The following SLC8A1 variants were observed in gnomAD, a reference collection of about 807,000 sequenced individuals.
The protein encoded by SLC8A1 is sodium/calcium exchanger 1.
SLC8A1 carries 18 observed loss-of-function variants against 68.3 expected under a neutral mutation model. That is an observed-to-expected ratio of 0.26 (90% CI 0.18 to 0.39). SLC8A1 has a LOEUF of 0.39. Ranked by LOEUF, SLC8A1 falls within the 10% of genes least tolerant of loss-of-function variation. The pLI is 1.00. For missense variants in SLC8A1, 985 were observed against 1,156.7 expected (o/e 0.85, Z 2.15); for synonymous variants, 475 against 415.5 (o/e 1.14, Z -1.74).
At chr2:40,381,249 C>G (rs1681682149) in intron 2 of SLC8A1, among the ~76,000 whole-genome samples, 1 of 151,986 alleles carries the variant, frequency 6.6e-6, no homozygotes, top group African/African-American at 2.4e-5. Context: ...TCACCTCTTC[C>G]AGGGAGCCTT....
At chr2:40,429,327 A>G in exon 2 of SLC8A1, 2 of 1,613,812 alleles carry the variant, frequency 1.2e-6, no homozygotes, top group Non-Finnish European at 1.7e-6. Flanking sequence ...CTTCTTCATC[A>G]TCTTGGTCCC....
At chr2:40,490,995 A>G (rs2149923719) in intron 1 of SLC8A1, among the ~76,000 whole-genome samples, 1 of 152,170 alleles carries the variant, frequency 6.6e-6, no homozygotes, top group East Asian at 1.9e-4. Context: ...TATGGAATTT[A>G]TATTCCTTTA....
At chr2:40,171,084 G>A (rs991692315) in intron 4 of SLC8A1, among the ~76,000 whole-genome samples, 11 of 152,130 alleles carry the variant, frequency 7.2e-5, no homozygotes, top group Non-Finnish European at 1.3e-4. Context: ...TAACTGACCT[G>A]GGAGTCATGA....
Position 40,154,721 on chromosome 2 carries a change from G to C in SLC8A1, c.2161+6044C>G, listed in dbSNP as rs144286022. Among the ~76,000 whole-genome samples the C allele has an allele frequency of 1.4e-4, 21 of 152,168 alleles. No individual in the cohort carries two copies. In the East Asian group the frequency reaches 4.1e-3, roughly 29 times the overall value. ...CTTACTCTGTAGCCTAGGCAGTCTA[G>C]TGGTGCAATCACAGCTCACTGCAGC... On this transcript the variant is annotated intron_variant, in intron 6 of 7. Transcript: ENST00000406785.
chr2:40,502,717 C>A (rs1315068377), intron 1 of SLC8A1, among the ~76,000 whole-genome samples: 3 of 151,938 alleles, frequency 2.0e-5, no homozygotes, highest in Non-Finnish European at 4.4e-5. Context: ...CTTAATTATT[C>A]ATCAAACATT....
chr2:40,143,153 C>T (rs1312603171), intron 6 of SLC8A1, among the ~76,000 whole-genome samples: 8 of 152,180 alleles, frequency 5.3e-5, no homozygotes, highest in Non-Finnish European at 1.2e-4. Context: ...TAATCTCCAA[C>T]TCAGACATCA....
chr2:40,251,770 G>T (rs2062791540), intron 2 of SLC8A1: 1 of 152,118 alleles, frequency 6.6e-6, no homozygotes, highest in South Asian at 2.1e-4. Context: ...GTAAATACAT[G>T]CACGGTAAGC....
intron 2 of SLC8A1, among the ~76,000 whole-genome samples, chr2:40,395,134 A>T (rs1478130352): frequency 1.3e-5 from 2 of 152,178 alleles, no homozygotes; most frequent in African/African-American, 4.8e-5. Flanking sequence ...CTTACTTCTG[A>T]GGGTAGGGGA....
chr2:40,452,577 G>A (rs547787170), upstream of SLC8A1, among the ~76,000 whole-genome samples: 99 of 152,202 alleles, frequency 6.5e-4, no homozygotes, highest in Non-Finnish European at 1.2e-3. Flanking sequence ...CTCTGACTTT[G>A]TTAATCCAAC....
chr2:40,195,595 A>C (rs376450588), intron 2 of SLC8A1, among the ~76,000 whole-genome samples: 2 of 152,224 alleles, frequency 1.3e-5, no homozygotes, highest in African/African-American at 4.8e-5. Flanking sequence ...TATTTAAGTA[A>C]ATAGTGTTTG....
intron 2 of SLC8A1, among the ~76,000 whole-genome samples, chr2:40,277,334 G>A (rs1384118517): frequency 1.3e-5 from 2 of 152,058 alleles, no homozygotes; most frequent in Non-Finnish European, 2.9e-5. Flanking sequence ...GAGGCCAGGA[G>A]TTTGAGACCA....
intron 4 of SLC8A1, among the ~76,000 whole-genome samples, chr2:40,171,211 C>A (rs1320515884): frequency 6.6e-6 from 1 of 152,176 alleles, no homozygotes; most frequent in African/African-American, 2.4e-5. Context: ...TTTGAACAGG[C>A]TTTGTTCCTC....
intron 2 of SLC8A1, among the ~76,000 whole-genome samples, chr2:40,388,378 C>T (rs1050512392): frequency 6.6e-6 from 1 of 152,112 alleles, no homozygotes; most frequent in African/African-American, 2.4e-5. Flanking sequence ...TGACGTTCAT[C>T]TGAGCAGTAT....
intron 2 of SLC8A1, among the ~76,000 whole-genome samples, chr2:40,355,704 C>T (rs554004335): frequency 8.5e-5 from 13 of 152,196 alleles, no homozygotes; most frequent in Middle Eastern, 3.4e-3. Context: ...AGTCCATGCA[C>T]GTAACAAACA....
chr2:40,236,739 T>C (rs1378836953), intron 2 of SLC8A1, among the ~76,000 whole-genome samples: 1 of 152,218 alleles, frequency 6.6e-6, no homozygotes, highest in Non-Finnish European at 1.5e-5. Context: ...CCGCTGGTAC[T>C]GGTTGTTCCT....
At chr2:40,507,767 A>C (rs1343517030) in intron 1 of SLC8A1, among the ~76,000 whole-genome samples, 1 of 152,064 alleles carries the variant, frequency 6.6e-6, no homozygotes, top group Non-Finnish European at 1.5e-5. Context: ...TAATAAATTA[A>C]TACCTGTAAT....
chr2:40,211,749 G>A (rs2056615866), intron 2 of SLC8A1, among the ~76,000 whole-genome samples: 1 of 152,180 alleles, frequency 6.6e-6, no homozygotes, highest in Non-Finnish European at 1.5e-5. Context: ...TAAGGGGCTG[G>A]ATTCAGCAAA....
chr2:40,295,945 A>G (rs913311751), intron 2 of SLC8A1, among the ~76,000 whole-genome samples: 1 of 152,138 alleles, frequency 6.6e-6, no homozygotes, highest in Non-Finnish European at 1.5e-5. Flanking sequence ...CAGTGTACCC[A>G]AGGAAAGGAG....
chr2:40,147,689 A>T (rs535370702), intron 6 of SLC8A1, among the ~76,000 whole-genome samples: 208 of 152,330 alleles, frequency 1.4e-3, no homozygotes, highest in African/African-American at 4.7e-3. Flanking sequence ...AATTTTTAAC[A>T]GACATATCAA....
Sources: gnomAD v4.1 joint callset for allele counts (sites outside exome capture counted in the v4.1 genomes callset) on GRCh38, gnomAD v4.1.1 for gene constraint, MANE v1.5 for transcripts, NCBI Gene and HGNC (gene_info 2026-07-23, HGNC 2026-07-21) for gene names.